PPP1R13L: variants seen among roughly 807,000 people sequenced by gnomAD.
The protein encoded by PPP1R13L is protein phosphatase 1 regulatory subunit 13 like, also known as relA-associated inhibitor.
A neutral mutation model predicts 80.9 loss-of-function variants in PPP1R13L; 50 were observed. The ratio of observed to expected loss-of-function variants is 0.62; its 90% confidence interval spans 0.49 to 0.78. PPP1R13L has a LOEUF of 0.78. Ranked by LOEUF, PPP1R13L falls within the 30% of genes least tolerant of loss-of-function variation. PPP1R13L has a pLI of 0.00. For missense variants in PPP1R13L, 1,200 were observed against 1,205.9 expected (o/e 1.00, Z 0.07); for synonymous variants, 602 against 534.3 (o/e 1.13, Z -1.75).
intron 7 of PPP1R13L, among the ~76,000 whole-genome samples, chr19:45,393,603 G>A (rs768894186): frequency 7.9e-5 from 12 of 151,942 alleles, no homozygotes; most frequent in East Asian, 3.9e-4. Flanking sequence ...GGCTGGGCAC[G>A]GTGGTTCACG....
chr19:45,396,758 G>A lies in PPP1R13L; in HGVS notation c.499C>T (p.Arg167Cys), dbSNP rs1302231785. ...AAAGGCGTGGGGGGACCCTGCTGGC[G>A]GAGCGGGCCTGGCCCGGGCCGCGGG... Reference protein sequence around the residue: ...PSPRPGPGPLRQQGPPTPFDF... With the variant: ...PSPRPGPGPLCQQGPPTPFDF... Residue 167 changes from arginine (R) to cysteine (C), a missense_variant, in exon 4 of 13, where the codon CGC (arginine) becomes TGC (cysteine). By Grantham distance (180) the Arg-to-Cys change is radical. Coordinates refer to ENST00000360957, the MANE Select transcript of PPP1R13L (RefSeq NM_006663.4). The surrounding 1 kb of genome is among the most constrained non-coding windows in gnomAD (Gnocchi z 5.3). 1.1e-5 allele frequency: 15 copies of A among 1,354,774 alleles called. No homozygotes were observed. Among genetic ancestry groups the A allele is most frequent in the South Asian group, 1.9e-5 (1 of 52,374 alleles). 83.9% of individuals were successfully genotyped at this position (1,354,774 alleles called of 1,614,324 possible). A position where few individuals can be genotyped will look rare whatever the true frequency, so the allele number is the denominator to read the frequency against.
chr19:45,385,071 C>T (rs1053813587), intron 11 of PPP1R13L, among the ~76,000 whole-genome samples: 2 of 152,120 alleles, frequency 1.3e-5, no homozygotes, highest in Non-Finnish European at 2.9e-5. Flanking sequence ...GCACAGCCTA[C>T]TTCGCCCTGC....
At chr19:45,399,344 G>A (rs1214762316) in intron 1 of PPP1R13L, among the ~76,000 whole-genome samples, 3 of 150,198 alleles carry the variant, frequency 2.0e-5, no homozygotes, top group Non-Finnish European at 3.0e-5. Flanking sequence ...AACAATATCC[G>A]CCGGGCGCGG....
intron 1 of PPP1R13L, 98 bp from the exon 2 acceptor site, chr19:45,398,437 C>A: frequency 1.7e-6 from 2 of 1,187,898 alleles, no homozygotes. Flanking sequence ...AACGCCTCAA[C>A]TCAGTTCCTT....
At position 45,403,140 on chromosome 19, in the gene PPP1R13L, G is replaced by A. The variant is rs1447284635; in HGVS notation, c.-22+1859C>T. Among the ~76,000 whole-genome samples the A allele has an allele frequency of 2.0e-5, 3 of 152,192 alleles. No individual in the cohort carries two copies. The East Asian group carries it at 5.8e-4, about 29-fold the overall frequency. On this transcript the variant is annotated intron_variant, in intron 1 of 12. Coordinates refer to ENST00000360957, the MANE Select transcript of PPP1R13L (RefSeq NM_006663.4). ...GAATTAATACCTTCGCCTCAAAGGG[G>A]TATGAGGATTGAGTGACATAATTTA... is the stretch of plus-strand genomic sequence containing the variant.
chr19:45,386,125 C>T lies in PPP1R13L; in HGVS notation c.1871G>A (p.Arg624His). 1.9e-6 allele frequency: 3 copies of T among 1,549,186 alleles called. No individual in the cohort carries two copies. Among genetic ancestry groups the T allele is most frequent in the Non-Finnish European group, 1.7e-6 (2 of 1,159,076 alleles). Reference protein sequence around the residue: ...AGSPRKARRARLNPLVLLLDA... With the variant: ...AGSPRKARRAHLNPLVLLLDA... ...CAGGAGGAGCACCAGAGGGTTGAGG[C>T]GCGCGCGGCGGGCCTTGCGCGGGGA... The change falls in exon 9 of 13, where the codon CGC becomes CAC. Residue 624 changes from arginine to histidine, a missense_variant. Transcript: ENST00000360957.
chr19:45,400,501 C>A (rs987400757), intron 1 of PPP1R13L, among the ~76,000 whole-genome samples: 1 of 151,778 alleles, frequency 6.6e-6, no homozygotes, highest in Non-Finnish European at 1.5e-5. Context: ...TTCAGGCTGG[C>A]GGCTCATTTG....
Position 45,395,162 on chromosome 19 carries a change from A to G in PPP1R13L, c.1354+274T>C, listed in dbSNP as rs1973056124. 6.4e-6 allele frequency: 3 copies of G among 467,508 alleles called. No individual in the cohort carries two copies. In the South Asian group the frequency reaches 8.0e-5, roughly 13 times the overall value. The allele number at this position is 467,508 out of a possible 1,614,324, so 29.0% of individuals were successfully genotyped here. On this transcript the variant is annotated intron_variant, in intron 7 of 12. Transcript: ENST00000360957. The stretch of plus-strand genomic sequence containing the variant: ...GCCCGGCCCATTATTTCCCTTTTAC[A>G]CTCAAGAAAATTGAGGCCCAGTGAG...
chr19:45,394,161 TCAC>T (rs1235350653), intron 7 of PPP1R13L, among the ~76,000 whole-genome samples: 1 of 151,766 alleles, frequency 6.6e-6, no homozygotes, highest in African/African-American at 2.4e-5. Flanking sequence ...AGACTGGGTC[TCAC>T]TCTGTCACCC....
rs1464577581 is a variant in PPP1R13L at position 45,398,030 on chromosome 19, C to T, written c.173G>A (p.Gly58Asp). 6.2e-7 allele frequency: 1 copy of T among 1,613,350 alleles called. No homozygotes were observed. Among genetic ancestry groups the T allele is most frequent in the Non-Finnish European group, 8.5e-7 (1 of 1,179,478 alleles). Reference sequence around the variant, plus strand: ...CCTAGAAGGGGGTCCGGCCTGCGGGCCAGGAGGCGCGGGAGAGTCTGACCA... The same window carrying T: ...CCTAGAAGGGGGTCCGGCCTGCGGGTCAGGAGGCGCGGGAGAGTCTGACCA... ...SLWSDSPAPP[G>D]PQAGPPSRPP... is the part of the protein sequence containing the mutation. The change falls in exon 3 of 13, where the codon GGC (glycine) becomes GAC (aspartate). Residue 58 changes from glycine (G) to aspartate (D), a missense_variant. Physicochemically the swap from Gly to Asp is moderately conservative, Grantham distance 94. Around this residue, in one of 5 missense-constraint regions of PPP1R13L, gnomAD observed 764 missense variants for 714.5 expected, o/e 1.07. Coordinates refer to ENST00000360957, the MANE Select transcript of PPP1R13L (RefSeq NM_006663.4).
intron 11 of PPP1R13L, 91 bp from the exon 12 acceptor site, chr19:45,382,817 T>C (rs2123346329): frequency 8.0e-7 from 1 of 1,247,874 alleles, no homozygotes; most frequent in Non-Finnish European, 1.1e-6. Context: ...CCCTGGAATT[T>C]GGCGCCTGTC....
rs200421991 is a variant in PPP1R13L, at chr19:45,391,960, G to C, written c.1735C>G (p.Pro579Ala). The C allele has an allele frequency of 1.3e-4, 202 of 1,513,788 alleles. No homozygotes were observed. The highest frequency in any genetic ancestry group is 1.1e-4 in the Non-Finnish European group (119 of 1,133,086). The allele number at this position is 1,513,788 out of a possible 1,614,324, so 93.8% of individuals were successfully genotyped here. ...GGAGCTGGTGGGGCAGGAGCAGGGG[G>C]CCCTGCCCTGGCCTCAGATCCCTCA... ...ITEGSEARAG[P>A]PAPAPPAPIP... Residue 579 changes from proline to alanine, a missense_variant, in exon 8 of 13, where the codon CCC (proline) becomes GCC (alanine). Around this residue, in one of 5 missense-constraint regions of PPP1R13L, gnomAD observed 214 missense variants for 199.6 expected, o/e 1.07. Transcript: ENST00000360957.
At chr19:45,406,266 A>G, upstream of PPP1R13L, 1 of 1,009,604 alleles carries the variant, frequency 9.9e-7, no homozygotes, top group African/African-American at 1.7e-5. The surrounding 1 kb of genome is among the most constrained non-coding windows in gnomAD (Gnocchi z 4.2). Context: ...CACAGAAAGC[A>G]CAGCCCTACT....
chr19:45,392,515 G>A, intron 7 of PPP1R13L, 175 bp from the exon 8 acceptor site: 1 of 732,958 alleles, frequency 1.4e-6, no homozygotes, highest in Non-Finnish European at 2.4e-6. Flanking sequence ...CAATTATGAT[G>A]CCTCCCATTT....
chr19:45,401,354 CAAA>C (rs34884152), intron 1 of PPP1R13L, among the ~76,000 whole-genome samples: 22,468 of 116,372 alleles, frequency 0.19, 2,084 homozygotes, highest in East Asian at 0.46. Context: ...GACTCCGTCC[CAAA>C]AAAAAAAAAA....
chr19:45,397,499 T>TTTCTTTCC (rs1342853280), intron 3 of PPP1R13L, among the ~76,000 whole-genome samples: 10 of 135,570 alleles, frequency 7.4e-5, no homozygotes, highest in Admixed American at 6.7e-4. Context: ...TCTTTCTTTC[T>TTTCTTTCC]TTCTTTCTTT....
At chr19:45,399,396 G>A (rs1368495574) in intron 1 of PPP1R13L, among the ~76,000 whole-genome samples, 1 of 150,480 alleles carries the variant, frequency 6.6e-6, no homozygotes, top group Middle Eastern at 3.4e-3. Context: ...AGGCCAAGGA[G>A]GGCGGATCAC....
chr19:45,405,358 T>C (rs2123412065), upstream of PPP1R13L, among the ~76,000 whole-genome samples: 1 of 152,260 alleles, frequency 6.6e-6, no homozygotes, highest in South Asian at 2.1e-4. Flanking sequence ...GCCCCACCCC[T>C]TCAGGCGCAC....
intron 7 of PPP1R13L, chr19:45,392,637 G>A (rs1160587810): frequency 6.1e-6 from 3 of 489,842 alleles, no homozygotes; most frequent in South Asian, 2.0e-5. Flanking sequence ...AGGGAATCTG[G>A]GCCTCAGAGA....
Sources: gnomAD v4.1 joint callset for allele counts (sites outside exome capture counted in the v4.1 genomes callset) on GRCh38, gnomAD v4.1.1 for gene constraint, gnomAD v4.1.1 regional missense constraint, Gnocchi (gnomAD v3.1) non-coding constraint, MANE v1.5 for transcripts, NCBI Gene and HGNC (gene_info 2026-07-23, HGNC 2026-07-21) for gene names.